The following IRAK3 variants were observed in gnomAD, a reference collection of about 807,000 sequenced individuals.
The protein encoded by IRAK3 is interleukin-1 receptor-associated kinase 3.
Under a neutral mutation model 56.6 loss-of-function variants are expected in IRAK3, and 57 were observed. The observed-to-expected ratio is 1.01, with a 90% confidence interval of 0.81 to 1.26. The LOEUF (loss-of-function observed/expected upper bound fraction) is 1.26, where lower values mean the gene tolerates loss of function less well. Among genes scored for constraint, IRAK3 ranks in the 50% most tolerant of loss-of-function variants. The pLI, the probability that IRAK3 is intolerant of heterozygous loss-of-function variation, is 0.00. For synonymous variants in IRAK3, 258 were observed against 255.7 expected (o/e 1.01, Z -0.09); for missense variants, 703 against 719.0 (o/e 0.98, Z 0.25).
Position 66,217,297 on chromosome 12 carries a change from T to C in IRAK3, c.653+62T>C. 3 of 1,201,866 alleles carry C rather than the reference T, an allele frequency of 2.5e-6. No homozygotes were observed. In the East Asian group the frequency reaches 7.0e-5, roughly 28 times the overall value. The allele number at this position is 1,201,866 out of a possible 1,614,324, so 74.5% of individuals were successfully genotyped here. On this transcript the variant is annotated intron_variant, in intron 6 of 11. Coordinates refer to ENST00000261233, the MANE Select transcript of IRAK3 (RefSeq NM_007199.3). ...GCCTGGGTTTCATCTCTGTTCATTTTTTATTTTACAGCACAGAGCTTGGCG... is the reference window on the plus strand; with the variant it reads ...GCCTGGGTTTCATCTCTGTTCATTTCTTATTTTACAGCACAGAGCTTGGCG...
In IRAK3 at chr12:66,252,841, T is replaced by A. The variant is rs1178114980; in HGVS notation, c.*4670T>A. ...ACTAAGTAGTTTATGGTGTGCTTTG[T>A]GGCTGGCAATTGTGACAGATTCTAT... On this transcript the variant is annotated 3_prime_UTR_variant, in exon 12 of 12. Coordinates refer to ENST00000261233, the MANE Select transcript of IRAK3 (RefSeq NM_007199.3). 1 of 152,280 alleles carries A rather than the reference T, an allele frequency of 6.6e-6. No homozygotes were observed. Among genetic ancestry groups the A allele is most frequent in the Non-Finnish European group, 1.5e-5 (1 of 68,086 alleles). The allele number at this position is 152,280 out of a possible 1,614,324, so 9.4% of individuals were successfully genotyped here.
chr12:66,197,883 G>A, intron 1 of IRAK3: 1 of 984,968 alleles, frequency 1.0e-6, no homozygotes, highest in Non-Finnish European at 1.2e-6. Flanking sequence ...GTCATGGCCT[G>A]CTGCACTTTT....
intron 1 of IRAK3, among the ~76,000 whole-genome samples, chr12:66,194,327 C>G (rs963007308): frequency 1.1e-4 from 17 of 152,088 alleles, no homozygotes. Context: ...GGTAATATTC[C>G]TCAAAAGGGC....
intron 11 of IRAK3, 69 bp from the exon 12 acceptor site, chr12:66,247,626 G>A (rs376427779): frequency 1.0e-6 from 1 of 959,058 alleles, no homozygotes; most frequent in Non-Finnish European, 1.7e-6. Flanking sequence ...TTTATAGGTA[G>A]AGTGATAAAA....
rs1007746869 is a variant in IRAK3 at position 66,204,734 on chromosome 12, A to G, written c.316+841A>G. On this transcript the variant is annotated intron_variant, in intron 2 of 11. Coordinates refer to ENST00000261233, the MANE Select transcript of IRAK3 (RefSeq NM_007199.3). ...CGCATTTTTAGTTTTGTGTATTTGC[A>G]CACATGTTCTTTGGTAATATATTTA... is the stretch of plus-strand genomic sequence containing the variant. Among the ~76,000 whole-genome samples the G allele has an allele frequency of 5.3e-5, 8 of 151,910 alleles. No individual in the cohort carries two copies. In the South Asian group the frequency reaches 1.7e-3, roughly 32 times the overall value.
chr12:66,244,768 T>G, intron 9 of IRAK3, 84 bp downstream of exon 9: 1 of 1,262,650 alleles, frequency 7.9e-7, no homozygotes, highest in Non-Finnish European at 1.1e-6. Context: ...GAGTTTTAAC[T>G]TTTGACTCAT....
At chr12:66,215,807 C>T in intron 5 of IRAK3, among the ~76,000 whole-genome samples, 1 of 152,016 alleles carries the variant, frequency 6.6e-6, no homozygotes, top group Non-Finnish European at 1.5e-5. Context: ...CACACACACA[C>T]ACACACACAC....
intron 8 of IRAK3, among the ~76,000 whole-genome samples, chr12:66,240,494 T>G (rs940096481): frequency 6.6e-6 from 1 of 152,136 alleles, no homozygotes; most frequent in African/African-American, 2.4e-5. Context: ...CAGTGCACAC[T>G]TAAGTTGGGG....
chr12:66,192,377 G>T (rs1375635899), intron 1 of IRAK3, among the ~76,000 whole-genome samples: 2 of 152,066 alleles, frequency 1.3e-5, no homozygotes, highest in Non-Finnish European at 2.9e-5. Flanking sequence ...GAAAGCAAGA[G>T]CCCAAAAGCC....
At chr12:66,229,757 C>A (rs2052825040) in intron 8 of IRAK3, among the ~76,000 whole-genome samples, 1 of 152,092 alleles carries the variant, frequency 6.6e-6, no homozygotes, top group Non-Finnish European at 1.5e-5. Context: ...AGGTGGCCAC[C>A]CACAACCTAA....
intron 5 of IRAK3, among the ~76,000 whole-genome samples, chr12:66,214,474 G>A: frequency 6.6e-6 from 1 of 152,124 alleles, no homozygotes; most frequent in Non-Finnish European, 1.5e-5. Flanking sequence ...CCAGGAGGCA[G>A]AGGTTGCAGT....
At chr12:66,218,935 T>C (rs1364989016) in intron 6 of IRAK3, among the ~76,000 whole-genome samples, 1 of 152,214 alleles carries the variant, frequency 6.6e-6, no homozygotes, top group African/African-American at 2.4e-5. Context: ...TTGTCTTCTG[T>C]GTCTGGCTTA....
intron 7 of IRAK3, among the ~76,000 whole-genome samples, chr12:66,227,542 G>C (rs992940965): frequency 6.6e-6 from 1 of 151,942 alleles, no homozygotes; most frequent in African/African-American, 2.4e-5. Flanking sequence ...TTGCACCATT[G>C]CACTCCAGCC....
intron 8 of IRAK3, among the ~76,000 whole-genome samples, chr12:66,242,821 C>A (rs2052984758): frequency 6.6e-6 from 1 of 152,216 alleles, no homozygotes; most frequent in Non-Finnish European, 1.5e-5. Context: ...TGCCTGTAAT[C>A]CCAGCACTTC....
chr12:66,239,872 C>T (rs1033471999), intron 8 of IRAK3, among the ~76,000 whole-genome samples: 16 of 152,112 alleles, frequency 1.1e-4, no homozygotes, highest in African/African-American at 3.6e-4. Context: ...ACGGTACATG[C>T]CAGTTTTTTT....
At position 66,251,616 on chromosome 12, in the gene IRAK3, T is replaced by G. The variant is rs2053100522; in HGVS notation, c.*3445T>G. On this transcript the variant is annotated 3_prime_UTR_variant, in exon 12 of 12. Coordinates refer to ENST00000261233, the MANE Select transcript of IRAK3 (RefSeq NM_007199.3). ...GTATGGGATTTCTGATATAATCAAT[T>G]TTATTGACTTCTTGGGAGTTGTAAT... 1 of 152,206 alleles carries G rather than the reference T, an allele frequency of 6.6e-6. No individual in the cohort carries two copies. The highest frequency in any genetic ancestry group is 2.4e-5 in the African/African-American group (1 of 41,444). 9.4% of individuals were successfully genotyped at this position (152,206 alleles called of 1,614,324 possible).
At position 66,247,839 on chromosome 12, in the gene IRAK3, A is replaced by G. The variant is rs1343897314; in HGVS notation, c.1459A>G (p.Asn487Asp). 3 of 1,614,226 alleles carry G rather than the reference A, an allele frequency of 1.9e-6. No homozygotes were observed. The South Asian group carries it at 3.3e-5, about 18-fold the overall frequency. The change falls in exon 12 of 12, where the codon AAC (asparagine) becomes GAC (aspartate). Residue 487 changes from asparagine (N) to aspartate (D), a missense_variant. Transcript: ENST00000261233. ...AGTGGAAGATGATGAAAGCCAGAAT[A>G]ACAATTTACTACCTTCTGATGAAGG... Reference protein sequence around the residue: ...IPVEDDESQNNNLLPSDEGLR... With the variant: ...IPVEDDESQNDNLLPSDEGLR...
chr12:66,198,186 A>C, intron 1 of IRAK3: 4 of 810,942 alleles, frequency 4.9e-6, no homozygotes, highest in Non-Finnish European at 6.0e-6. Context: ...AATTGGTCCC[A>C]TTGCTTTCAG....
Position 66,203,862 on chromosome 12 carries a change from TC to T in IRAK3, c.286del (p.Arg96ValfsTer6). On this transcript the variant is annotated frameshift_variant, in exon 2 of 12. Coordinates refer to ENST00000261233, the MANE Select transcript of IRAK3 (RefSeq NM_007199.3). LOFTEE classifies it high-confidence loss of function. ...LLQVLQEMGH[R>X]RAIHLITNYG... ...TACAGGTCCTCCAGGAGATGGGACA[TC>T]GTCGAGCTATTCATTTAATTACAAA... 1.9e-6 allele frequency: 3 copies of T among 1,614,090 alleles called. No homozygotes were observed. The highest frequency in any genetic ancestry group is 2.5e-6 in the Non-Finnish European group (3 of 1,179,956).
Sources: allele counts gnomAD v4.1 joint callset (sites outside exome capture counted in the v4.1 genomes callset), GRCh38; gene constraint gnomAD v4.1.1; transcripts MANE v1.5; gene names NCBI Gene and HGNC (gene_info 2026-07-23, HGNC 2026-07-21).